The following IPO7 variants were observed in gnomAD, a reference collection of about 807,000 sequenced individuals.
The protein encoded by IPO7 is importin 7.
IPO7 carries 13 observed loss-of-function variants against 136.4 expected under a neutral mutation model. The observed-to-expected ratio is 0.10, with a 90% CI of 0.06 to 0.15. The LOEUF is 0.15. Ranked by LOEUF, IPO7 falls within the 10% of genes least tolerant of loss-of-function variation. The pLI, the probability that IPO7 is intolerant of heterozygous loss-of-function variation, is 1.00. For missense variants in IPO7, 857 were observed against 1,240.6 expected (o/e 0.69, Z 4.65); for synonymous variants, 403 against 404.4 (o/e 1.00, Z 0.04).
At chr11:9,419,676 T>C (rs1012409853) in intron 6 of IPO7, among the ~76,000 whole-genome samples, 17 of 150,580 alleles carry the variant, frequency 1.1e-4, no homozygotes, top group African/African-American at 4.1e-4. Context: ...CTTCCATAAT[T>C]GAACATTATT....
chr11:9,444,836 CAAA>C (rs1044435694), intron 24 of IPO7, among the ~76,000 whole-genome samples: 8 of 71,072 alleles, frequency 1.1e-4, no homozygotes, highest in Admixed American at 1.5e-4. Context: ...GACTCTGTCT[CAAA>C]AAAAAAAAAA....
At chr11:9,411,067 T>G (rs1486218211) in intron 4 of IPO7, among the ~76,000 whole-genome samples, 1 of 152,210 alleles carries the variant, frequency 6.6e-6, no homozygotes, top group East Asian at 1.9e-4. Flanking sequence ...TAAGGAATGT[T>G]CCAGCTGTTA....
intron 1 of IPO7, among the ~76,000 whole-genome samples, chr11:9,399,081 T>A (rs1353567924): frequency 6.6e-6 from 1 of 151,930 alleles, no homozygotes; most frequent in East Asian, 1.9e-4. Flanking sequence ...AAATGGAGAA[T>A]GATTGGGGGC....
At chr11:9,414,224 T>G in intron 4 of IPO7, 31 bp from the exon 5 acceptor site, 1 of 1,533,050 alleles carries the variant, frequency 6.5e-7, no homozygotes. Context: ...AAATAAATTC[T>G]TACAGAATTA....
intron 16 of IPO7, 112 bp from the exon 17 acceptor site, chr11:9,433,458 T>G: frequency 1.5e-6 from 1 of 684,514 alleles, no homozygotes; most frequent in South Asian, 1.9e-5. Context: ...AAAGACTTAT[T>G]TTTTTCACAA....
At chr11:9,431,414 GTTT>G (rs1324490662) in intron 16 of IPO7, among the ~76,000 whole-genome samples, 1 of 150,458 alleles carries the variant, frequency 6.6e-6, no homozygotes, top group Non-Finnish European at 1.5e-5. Context: ...CATCTTCCTA[GTTT>G]TCTTCTTTTC....
intron 6 of IPO7, among the ~76,000 whole-genome samples, chr11:9,417,722 T>C (rs1213528233): frequency 6.6e-6 from 1 of 151,516 alleles, no homozygotes; most frequent in Non-Finnish European, 1.5e-5. Context: ...TTTCTTTTTT[T>C]TTTTTTTAAG....
Position 9,417,004 on chromosome 11 carries a change from A to T in IPO7, c.637-55A>T. On this transcript the variant is annotated intron_variant, in intron 5 of 24. Coordinates refer to ENST00000379719, the MANE Select transcript of IPO7 (RefSeq NM_006391.3). ...GTAGGTATTGTGAAGAGTAAAAAGA[A>T]GTAGGATTTTCTTTAGCAAGGATTT... The T allele has an allele frequency of 3.6e-6, 3 of 834,304 alleles. No homozygotes were observed. In the South Asian group the frequency reaches 4.5e-5, roughly 13 times the overall value. 51.7% of individuals were successfully genotyped at this position (834,304 alleles called of 1,614,324 possible).
intron 6 of IPO7, among the ~76,000 whole-genome samples, chr11:9,417,590 ATTTATTCT>A (rs1855058812): frequency 6.6e-6 from 1 of 152,098 alleles, no homozygotes. Flanking sequence ...ATACAGTAAA[ATTTATTCT>A]TTTAAAGTAC....
At chr11:9,427,325 A>T (rs182062381) in intron 12 of IPO7, among the ~76,000 whole-genome samples, 74 of 151,878 alleles carry the variant, frequency 4.9e-4, no homozygotes, top group African/African-American at 1.8e-3. Context: ...CAGTGGCGTG[A>T]TCTCTGCTTA....
intron 24 of IPO7, among the ~76,000 whole-genome samples, chr11:9,442,402 G>GT (rs1422890128): frequency 1.3e-3 from 202 of 150,216 alleles, no homozygotes; most frequent in African/African-American, 3.6e-3. Context: ...GGCTTTTTTC[G>GT]TTTTTTTTTG....
At chr11:9,415,625 T>G (rs1009112260) in intron 5 of IPO7, among the ~76,000 whole-genome samples, 1 of 152,028 alleles carries the variant, frequency 6.6e-6, no homozygotes, top group Admixed American at 6.6e-5. Flanking sequence ...GATCACGAGG[T>G]CAGGAGGTCG....
chr11:9,437,709 GC>G, intron 20 of IPO7, 44 bp from the exon 21 acceptor site: 1 of 1,343,188 alleles, frequency 7.4e-7, no homozygotes, highest in Non-Finnish European at 1.1e-6. Flanking sequence ...ATGTTTGCAT[GC>G]TATTAATTAT....
Position 9,435,401 on chromosome 11 carries a change from A to G in IPO7, c.2172+370A>G, listed in dbSNP as rs374893331. 1.4e-4 allele frequency among the ~76,000 whole-genome samples: 22 copies of G among 152,356 alleles called. No homozygotes were observed. In the East Asian group the frequency reaches 3.9e-3, roughly 27 times the overall value. On this transcript the variant is annotated intron_variant, in intron 19 of 24. Coordinates refer to ENST00000379719, the MANE Select transcript of IPO7 (RefSeq NM_006391.3). ...AGCAGCTATAGGTTTACAACAAGCA[A>G]TAGGAAATGAATGTCCCCCTTTTGT...
In IPO7 at chr11:9,408,530, C is replaced by A. The variant is rs538472915; in HGVS notation, c.211C>A (p.Arg71=). 4 of 1,603,664 alleles carry A rather than the reference C, an allele frequency of 2.5e-6. No individual in the cohort carries two copies. Among genetic ancestry groups the A allele is most frequent in the African/African-American group, 2.7e-5 (2 of 74,352 alleles). ...KNMITQYWPD[R]ETAPGDISPY... is the part of the protein sequence containing the mutation. ...TATGATAACACAGTATTGGCCTGAT[C>A]GAGAAACAGCACCAGGGGATATATC... Residue 71 remains arginine, a synonymous_variant, in exon 3 of 25, where the codon CGA becomes AGA. Coordinates refer to ENST00000379719, the MANE Select transcript of IPO7 (RefSeq NM_006391.3).
At chr11:9,439,909 A>G (rs1185289786) in intron 22 of IPO7, among the ~76,000 whole-genome samples, 1 of 152,136 alleles carries the variant, frequency 6.6e-6, no homozygotes, top group Non-Finnish European at 1.5e-5. Context: ...AAGCTTCTAA[A>G]GATTTATGGT....
Position 9,437,953 on chromosome 11 carries a change from A to G in IPO7, c.2468A>G (p.Asn823Ser), listed in dbSNP as rs1855402857. The G allele has an allele frequency of 6.2e-7, 1 of 1,612,618 alleles. No homozygotes were observed. Among genetic ancestry groups the G allele is most frequent in the Non-Finnish European group, 8.5e-7 (1 of 1,179,450 alleles). Reference sequence around the variant, plus strand: ...AATCATTTTATTACACAGTGGCTTAATGATGTTGACTGTTTCTTGGGGTAA... The same window carrying G: ...AATCATTTTATTACACAGTGGCTTAGTGATGTTGACTGTTTCTTGGGGTAA... ...VTNHFITQWL[N>S]DVDCFLGLHD... The change falls in exon 21 of 25, where the codon AAT (asparagine) becomes AGT (serine). Residue 823 changes from asparagine (N) to serine (S), a missense_variant. Coordinates refer to ENST00000379719, the MANE Select transcript of IPO7 (RefSeq NM_006391.3).
chr11:9,443,202 T>C (rs1185785214), intron 24 of IPO7, among the ~76,000 whole-genome samples: 5 of 151,422 alleles, frequency 3.3e-5, no homozygotes, highest in African/African-American at 1.2e-4. Context: ...AAAGTCTGTC[T>C]CAAAAAAACA....
intron 2 of IPO7, among the ~76,000 whole-genome samples, chr11:9,404,547 T>A (rs1854850298): frequency 6.6e-6 from 1 of 151,314 alleles, no homozygotes; most frequent in African/African-American, 2.4e-5. Flanking sequence ...TTTCTTTACA[T>A]AGTTCCGGTC....
Sources: gnomAD v4.1 joint callset for allele counts (sites outside exome capture counted in the v4.1 genomes callset) on GRCh38, gnomAD v4.1.1 for gene constraint, MANE v1.5 for transcripts, NCBI Gene and HGNC (gene_info 2026-07-23, HGNC 2026-07-21) for gene names.